Variants in SPMIP7 observed in about 807,000 individuals in gnomAD.
The protein encoded by SPMIP7 is protein SPMIP7.
chr7:50,106,668 G>A, the SPMIP7 span, among the ~76,000 whole-genome samples: 1 of 152,172 alleles, frequency 6.6e-6, no homozygotes, highest in Non-Finnish European at 1.5e-5. Context: ...CACTATGAGT[G>A]AGAATCAGCA....
At chr7:50,099,440 G>T in the SPMIP7 span, among the ~76,000 whole-genome samples, 1 of 152,098 alleles carries the variant, frequency 6.6e-6, no homozygotes. Context: ...TTGTTTGGAG[G>T]ATCTTTGCCT....
chr7:50,125,247 TACACATATATATAC>T, the SPMIP7 span, among the ~76,000 whole-genome samples: 32 of 58,002 alleles, frequency 5.5e-4, no homozygotes, highest in East Asian at 2.0e-3. Context: ...TACACATATA[TACACATATATATAC>T]ACACATATAT....
At chr7:50,141,217 TC>T in the SPMIP7 span, 1 of 1,118,780 alleles carries the variant, frequency 8.9e-7, no homozygotes, top group South Asian at 1.4e-5. Flanking sequence ...AGAATACTGT[TC>T]AATGGTTTCT....
chr7:50,142,837 G>T, the SPMIP7 span: 1 of 152,028 alleles, frequency 6.6e-6, no homozygotes, highest in Non-Finnish European at 1.5e-5. Flanking sequence ...TTTCTTTCTA[G>T]TTTTGATACA....
the SPMIP7 span, chr7:50,151,680 G>T: frequency 2.9e-6 from 2 of 686,956 alleles, no homozygotes; most frequent in Non-Finnish European, 4.6e-6. Context: ...TTAAAAATGT[G>T]GCATCAAGTC....
the SPMIP7 span, among the ~76,000 whole-genome samples, chr7:50,115,255 A>C: frequency 6.6e-6 from 1 of 152,178 alleles, no homozygotes; most frequent in African/African-American, 2.4e-5. Context: ...CAATCCATAA[A>C]ATGTACATAA....
the SPMIP7 span, among the ~76,000 whole-genome samples, chr7:50,106,857 A>C: frequency 6.6e-6 from 1 of 152,216 alleles, no homozygotes; most frequent in Non-Finnish European, 1.5e-5. Flanking sequence ...TAATCTTAGC[A>C]CTTTGGGAGG....
At chr7:50,159,229 G>T in the SPMIP7 span, 2 of 1,524,972 alleles carry the variant, frequency 1.3e-6, no homozygotes, top group Non-Finnish European at 1.8e-6. Flanking sequence ...GTGCGGCGGT[G>T]GGAAATAAAG....
chr7:50,142,739 G>T, the SPMIP7 span: 1 of 152,306 alleles, frequency 6.6e-6, no homozygotes, highest in East Asian at 1.9e-4. Context: ...TCAGCCATGT[G>T]TGTGGCCCCA....
chr7:50,120,261 G>T, the SPMIP7 span: 1 of 152,160 alleles, frequency 6.6e-6, no homozygotes, highest in African/African-American at 2.4e-5. Flanking sequence ...TTCTAACGAG[G>T]TTCCTGGATG....
At chr7:50,159,215 G>A in the SPMIP7 span, 1 of 1,539,348 alleles carries the variant, frequency 6.5e-7, no homozygotes, top group East Asian at 2.5e-5. Context: ...CCTGGGGAAG[G>A]CTTGTGCGGC....
At chr7:50,125,389 T>TATATATACAC in the SPMIP7 span, among the ~76,000 whole-genome samples, 890 of 120,196 alleles carry the variant, frequency 7.4e-3, 42 homozygotes, top group African/African-American at 0.023. Context: ...TATACACACA[T>TATATATACAC]ATATATATAC....
chr7:50,096,662 C>T, the SPMIP7 span: 1 of 1,478,928 alleles, frequency 6.8e-7, no homozygotes, highest in African/African-American at 1.4e-5. Context: ...CATGAACTTT[C>T]TATTTTTTAA....
the SPMIP7 span, among the ~76,000 whole-genome samples, chr7:50,121,638 A>G: frequency 6.6e-6 from 1 of 151,858 alleles, no homozygotes; most frequent in Non-Finnish European, 1.5e-5. Flanking sequence ...GTTCAATTTA[A>G]TTAAAGGTTC....
the SPMIP7 span, among the ~76,000 whole-genome samples, chr7:50,145,589 T>C: frequency 6.5e-4 from 47 of 72,424 alleles, 2 homozygotes; most frequent in Admixed American, 5.8e-3. Context: ...TATATGTGCG[T>C]GTGTGTGTGT....
At chr7:50,117,925 C>G in the SPMIP7 span, among the ~76,000 whole-genome samples, 1 of 152,196 alleles carries the variant, frequency 6.6e-6, no homozygotes, top group South Asian at 2.1e-4. Context: ...AGCAAATGCA[C>G]TCCTTTCTGC....
chr7:50,151,610 C>A, the SPMIP7 span: 3 of 1,260,374 alleles, frequency 2.4e-6, no homozygotes, highest in Non-Finnish European at 2.2e-6. Flanking sequence ...GAGGGGAAAT[C>A]CTAATTGTGG....
the SPMIP7 span, among the ~76,000 whole-genome samples, chr7:50,124,584 A>G: frequency 6.6e-6 from 1 of 152,210 alleles, no homozygotes; most frequent in Non-Finnish European, 1.5e-5. Flanking sequence ...TAAGACATCT[A>G]GGAAAATATC....
At chr7:50,140,221 T>C in the SPMIP7 span, 5 of 1,365,408 alleles carry the variant, frequency 3.7e-6, no homozygotes, top group Non-Finnish European at 4.9e-6. Context: ...AATTTTAGAT[T>C]TATATTTTGG....
Sources: gnomAD v4.1 joint callset for allele counts (sites outside exome capture counted in the v4.1 genomes callset) on GRCh38, gnomAD v4.1.1 for gene constraint, MANE v1.5 for transcripts, NCBI Gene and HGNC (gene_info 2026-07-23, HGNC 2026-07-21) for gene names.